Variants in CCSAP observed in about 807,000 individuals in gnomAD.
CCSAP encodes the protein centriole, cilia and spindle associated protein.
A neutral mutation model predicts 25.9 loss-of-function variants in CCSAP; 17 were observed. The observed-to-expected ratio is 0.66, with a 90% CI of 0.45 to 0.99. The LOEUF is 0.99. CCSAP is among the 50% of genes least tolerant of loss of function. The pLI is 0.00. For missense variants in CCSAP, 339 were observed against 367.8 expected (o/e 0.92, Z 0.64); for synonymous variants, 169 against 157.1 (o/e 1.08, Z -0.57).
At position 229,325,132 on chromosome 1, in the gene CCSAP, T is replaced by C; in HGVS notation, c.*103A>G. 4.3e-6 allele frequency: 5 copies of C among 1,176,130 alleles called. No homozygotes were observed. In the East Asian group the frequency reaches 1.2e-4, roughly 29 times the overall value. The allele number at this position is 1,176,130 out of a possible 1,614,324, so 72.9% of individuals were successfully genotyped here. ...CCTAAAAAAAACCTTGCATAATCAG[T>C]TGGTTTCTTAAACCTGTGTCCGTTT... On this transcript the variant is annotated 3_prime_UTR_variant, in exon 4 of 4. Transcript: ENST00000284617.
At chr1:229,331,141 T>TGTGTTGATTGTTGTTGTG (rs1172073580) in intron 2 of CCSAP, among the ~76,000 whole-genome samples, 1 of 152,106 alleles carries the variant, frequency 6.6e-6, no homozygotes, top group African/African-American at 2.4e-5. Flanking sequence ...AACTAAAATC[T>TGTGTTGATTGTTGTTGTG]TCTCAGGAAA....
rs900016439 is a variant in CCSAP at position 229,324,877 on chromosome 1, C to G, written c.*358G>C. The G allele has an allele frequency of 2.9e-5, 5 of 173,068 alleles. No individual in the cohort carries two copies. Among genetic ancestry groups the G allele is most frequent in the Middle Eastern group, 2.9e-3 (1 of 348 alleles). The allele number at this position is 173,068 out of a possible 1,614,324, so 10.7% of individuals were successfully genotyped here. On this transcript the variant is annotated 3_prime_UTR_variant, in exon 4 of 4. Transcript: ENST00000284617. ...AGAACAAGATGATAATAGGCTCTAC[C>G]TAAGCTTATGAAAAGAATACTGAAC...
chr1:229,324,312 C>T lies in CCSAP; in HGVS notation c.*923G>A, dbSNP rs568801146. The T allele has an allele frequency of 4.6e-5, 7 of 152,268 alleles. No homozygotes were observed. Among genetic ancestry groups the T allele is most frequent in the African/African-American group, 1.4e-4 (6 of 41,466 alleles). 9.4% of individuals were successfully genotyped at this position (152,268 alleles called of 1,614,324 possible). A position where few individuals can be genotyped will look rare whatever the true frequency, so the allele number is the denominator to read the frequency against. ...CAATGCCAATGTACCAAGTGCAATT[C>T]CAGATTGTAAGTTTGAAATGTCATT... On this transcript the variant is annotated 3_prime_UTR_variant, in exon 4 of 4. Transcript: ENST00000284617.
At chr1:229,333,312 A>G (rs944325529) in intron 2 of CCSAP, among the ~76,000 whole-genome samples, 2 of 151,416 alleles carry the variant, frequency 1.3e-5, no homozygotes, top group Admixed American at 6.6e-5. Flanking sequence ...AGGTGCCTGT[A>G]GTCCCAGCTA....
rs1657839850 is a variant in CCSAP at position 229,322,134 on chromosome 1, T to C, written c.*3101A>G. Reference sequence around the variant, plus strand: ...TGGATACTGAGAGGCGACTGTACCATAACATTCCATTTACAAAGTGTGTGC... The same window carrying C: ...TGGATACTGAGAGGCGACTGTACCACAACATTCCATTTACAAAGTGTGTGC... On this transcript the variant is annotated 3_prime_UTR_variant, in exon 4 of 4. Coordinates refer to ENST00000284617, the MANE Select transcript of CCSAP (RefSeq NM_145257.5). The C allele has an allele frequency of 1.3e-5, 2 of 152,174 alleles. No homozygotes were observed. The highest frequency in any genetic ancestry group is 2.9e-5 in the Non-Finnish European group (2 of 68,032). 9.4% of individuals were successfully genotyped at this position (152,174 alleles called of 1,614,324 possible).
intron 2 of CCSAP, among the ~76,000 whole-genome samples, chr1:229,341,211 A>AAAAAAAAAC (rs1316475495): frequency 2.0e-5 from 3 of 151,848 alleles, no homozygotes; most frequent in Non-Finnish European, 4.4e-5. Context: ...AAAAAAAAAA[A>AAAAAAAAAC]AGATTACAAC....
At position 229,342,295 on chromosome 1, in the gene CCSAP, G is replaced by A; in HGVS notation, c.171C>T (p.Ser57=). ...ACTCTGACGACGCCGAGTCCTCCGA[G>A]GAGCCGGCCGGGCCCCAGTCGTCCC... is the stretch of plus-strand genomic sequence containing the variant. The part of the protein sequence containing the change: ...WLWDDWGPAG[S]SEDSASSESS... Residue 57 remains serine (S), a synonymous_variant, in exon 2 of 4, where the codon TCC becomes TCT. Coordinates refer to ENST00000284617, the MANE Select transcript of CCSAP (RefSeq NM_145257.5). This position sits in a 1 kb window ranked among gnomAD's most constrained non-coding sequence, Gnocchi z 7.5. 2.1e-6 allele frequency: 3 copies of A among 1,411,934 alleles called. No individual in the cohort carries two copies. Among genetic ancestry groups the A allele is most frequent in the South Asian group, 1.5e-5 (1 of 65,030 alleles). 87.5% of individuals were successfully genotyped at this position (1,411,934 alleles called of 1,614,324 possible). A position where few individuals can be genotyped will look rare whatever the true frequency, so the allele number is the denominator to read the frequency against.
In CCSAP at chr1:229,342,573, G is replaced by T; in HGVS notation, c.-48-60C>A. The T allele has an allele frequency of 1.3e-6, 1 of 755,292 alleles. No individual in the cohort carries two copies. The highest frequency in any genetic ancestry group is 1.8e-6 in the Non-Finnish European group (1 of 552,936). 46.8% of individuals were successfully genotyped at this position (755,292 alleles called of 1,614,324 possible). A position where few individuals can be genotyped will look rare whatever the true frequency, so the allele number is the denominator to read the frequency against. On this transcript the variant is annotated intron_variant, in intron 1 of 3. Transcript: ENST00000284617. This position sits in a 1 kb window ranked among gnomAD's most constrained non-coding sequence, Gnocchi z 7.5. ...CGCCCCTCCGCCGGCCCTGCCCGCC[G>T]CGACGTTTAAACCCGGAGCCCCGCC... is the stretch of plus-strand genomic sequence containing the variant.
At chr1:229,339,972 G>A (rs1658292316) in intron 2 of CCSAP, among the ~76,000 whole-genome samples, 3 of 152,096 alleles carry the variant, frequency 2.0e-5, no homozygotes. Context: ...ACAATCACAT[G>A]TCAATAAAAG....
chr1:229,338,538 AACACACACACAC>A (rs55718200), intron 2 of CCSAP, among the ~76,000 whole-genome samples: 23 of 141,906 alleles, frequency 1.6e-4, no homozygotes, highest in East Asian at 1.2e-3. Context: ...CCCAAACCCC[AACACACACACAC>A]ACACACACAC....
At chr1:229,331,638 A>C (rs1430993108) in intron 2 of CCSAP, among the ~76,000 whole-genome samples, 1 of 151,946 alleles carries the variant, frequency 6.6e-6, no homozygotes, top group African/African-American at 2.4e-5. Flanking sequence ...TTCCCCTGCC[A>C]CTAGGCAGGA....
intron 2 of CCSAP, 133 bp from the exon 3 acceptor site, chr1:229,327,139 T>G (rs1236262923): frequency 1.4e-6 from 1 of 708,174 alleles, no homozygotes; most frequent in East Asian, 2.9e-5. Flanking sequence ...TACGATCCAC[T>G]TAAAGTAGAA....
At chr1:229,332,435 G>C (rs968465667) in intron 2 of CCSAP, among the ~76,000 whole-genome samples, 4 of 152,182 alleles carry the variant, frequency 2.6e-5, no homozygotes, top group Non-Finnish European at 5.9e-5. Flanking sequence ...TATTTCAGAA[G>C]TCTGTGTTGA....
chr1:229,339,886 G>C (rs1253182916), intron 2 of CCSAP, among the ~76,000 whole-genome samples: 1 of 152,060 alleles, frequency 6.6e-6, no homozygotes, highest in Non-Finnish European at 1.5e-5. Context: ...GTGTGGAGAT[G>C]GGCCGTGTGT....
chr1:229,341,710 G>A (rs192326432), intron 2 of CCSAP, among the ~76,000 whole-genome samples: 1 of 152,252 alleles, frequency 6.6e-6, no homozygotes, highest in East Asian at 1.9e-4. Flanking sequence ...GGTTACCTTT[G>A]AGAATCTGAT....
chr1:229,333,309 T>C (rs1053856307), intron 2 of CCSAP, among the ~76,000 whole-genome samples: 3 of 151,846 alleles, frequency 2.0e-5, no homozygotes, highest in Admixed American at 6.6e-5. Flanking sequence ...GTCAGGTGCC[T>C]GTAGTCCCAG....
rs1657844709 is a variant in CCSAP, at chr1:229,322,331, A to G, written c.*2904T>C. 6.6e-6 allele frequency: 1 copy of G among 152,220 alleles called. No homozygotes were observed. Among genetic ancestry groups the G allele is most frequent in the Non-Finnish European group, 1.5e-5 (1 of 68,030 alleles). 9.4% of individuals were successfully genotyped at this position (152,220 alleles called of 1,614,324 possible). On this transcript the variant is annotated 3_prime_UTR_variant, in exon 4 of 4. Coordinates refer to ENST00000284617, the MANE Select transcript of CCSAP (RefSeq NM_145257.5). Reference sequence around the variant, plus strand: ...CTGAGTTCAAGTGACCCAAGTATAAATACCCTTCAAGTTGCTAGCAATTGA... The same window carrying G: ...CTGAGTTCAAGTGACCCAAGTATAAGTACCCTTCAAGTTGCTAGCAATTGA...
Position 229,325,018 on chromosome 1 carries a change from T to G in CCSAP, c.*217A>C. On this transcript the variant is annotated 3_prime_UTR_variant, in exon 4 of 4. Coordinates refer to ENST00000284617, the MANE Select transcript of CCSAP (RefSeq NM_145257.5). Reference sequence around the variant, plus strand: ...AGATTTAGGGAATTATCTTCATAAATAACCAAATGTCTATGGCTTCAACTG... The same window carrying G: ...AGATTTAGGGAATTATCTTCATAAAGAACCAAATGTCTATGGCTTCAACTG... The G allele has an allele frequency of 2.2e-6, 1 of 444,568 alleles. No individual in the cohort carries two copies. The highest frequency in any genetic ancestry group is 4.1e-5 in the South Asian group (1 of 24,450). The allele number at this position is 444,568 out of a possible 1,614,324, so 27.5% of individuals were successfully genotyped here. A position where few individuals can be genotyped will look rare whatever the true frequency, so the allele number is the denominator to read the frequency against.
chr1:229,327,798 G>A (rs1251939369), intron 2 of CCSAP, among the ~76,000 whole-genome samples: 1 of 151,700 alleles, frequency 6.6e-6, no homozygotes, highest in East Asian at 1.9e-4. Flanking sequence ...GAACCTGGGA[G>A]GTGGAGGTTG....
Sources: gnomAD v4.1 joint callset for allele counts (sites outside exome capture counted in the v4.1 genomes callset) on GRCh38, gnomAD v4.1.1 for gene constraint, Gnocchi (gnomAD v3.1) non-coding constraint, MANE v1.5 for transcripts, NCBI Gene and HGNC (gene_info 2026-07-23, HGNC 2026-07-21) for gene names.